IPO11: variants seen among roughly 807,000 people sequenced by gnomAD.
IPO11 encodes importin 11, also known as importin-11.
IPO11 carries 66 observed loss-of-function variants against 143.2 expected under a neutral mutation model. The ratio of observed to expected loss-of-function variants is 0.46; its 90% CI spans 0.38 to 0.57. The LOEUF is 0.57. Ranked by LOEUF, IPO11 falls within the 20% of genes least tolerant of loss-of-function variation. IPO11 has a pLI of 0.00. For missense variants in IPO11, 1,026 were observed against 1,141.0 expected (o/e 0.90, Z 1.45); for synonymous variants, 385 against 377.8 (o/e 1.02, Z -0.22).
At chr5:62,597,653 G>T (rs1745273757) in intron 28 of IPO11, among the ~76,000 whole-genome samples, 1 of 152,192 alleles carries the variant, frequency 6.6e-6, no homozygotes, top group Non-Finnish European at 1.5e-5. Flanking sequence ...TGTACGAAGA[G>T]ACCTTCAGGC....
At chr5:62,614,535 C>A (rs116341984) in intron 29 of IPO11, among the ~76,000 whole-genome samples, 1 of 152,334 alleles carries the variant, frequency 6.6e-6, no homozygotes, top group East Asian at 1.9e-4. Flanking sequence ...CCCGCCCCCC[C>A]TCACCCCGCA....
intron 9 of IPO11, among the ~76,000 whole-genome samples, chr5:62,481,594 A>G (rs1746215276): frequency 1.3e-5 from 2 of 152,176 alleles, no homozygotes; most frequent in African/African-American, 2.4e-5. Context: ...CCAGCCTTGC[A>G]TCCCAGGAAT....
chr5:62,547,717 A>G (rs1191613243), intron 24 of IPO11, among the ~76,000 whole-genome samples: 1 of 152,042 alleles, frequency 6.6e-6, no homozygotes, highest in African/African-American at 2.4e-5. Context: ...CATTAATTCT[A>G]AGTACTCCCT....
At position 62,474,906 on chromosome 5, in the gene IPO11, G is replaced by A. The variant is rs539029362; in HGVS notation, c.757+442G>A. Among the ~76,000 whole-genome samples the A allele has an allele frequency of 5.6e-3, 860 of 152,316 alleles. 2 individuals carry two copies. The highest frequency in any genetic ancestry group is 0.017 in the Middle Eastern group (5 of 294). On this transcript the variant is annotated intron_variant, in intron 8 of 29. Coordinates refer to ENST00000325324, the MANE Select transcript of IPO11 (RefSeq NM_016338.5). ...TTTGCTGGACAAAGGGAGGATTCTC[G>A]TCTGGGGCAGGACGGAGTGGGTCAG...
chr5:62,542,569 A>T (rs995937184), intron 24 of IPO11, among the ~76,000 whole-genome samples: 14 of 152,126 alleles, frequency 9.2e-5, no homozygotes, highest in African/African-American at 3.4e-4. Context: ...TGTCATTGTT[A>T]TACTAATTTT....
chr5:62,483,628 G>T (rs967085064), intron 10 of IPO11, among the ~76,000 whole-genome samples: 1 of 152,036 alleles, frequency 6.6e-6, no homozygotes, highest in African/African-American at 2.4e-5. Flanking sequence ...AAGTGTGATT[G>T]TTTCTAGACA....
chr5:62,442,532 A>G (rs189721841), intron 2 of IPO11, among the ~76,000 whole-genome samples: 1 of 152,300 alleles, frequency 6.6e-6, no homozygotes, highest in African/African-American at 2.4e-5. Context: ...GATATGATAT[A>G]TGTAGTGATA....
chr5:62,435,751 G>A lies in IPO11; in HGVS notation c.-6-1523G>A, dbSNP rs373776051. 4.6e-5 allele frequency among the ~76,000 whole-genome samples: 7 copies of A among 151,522 alleles called. 1 individual carries two copies. In the South Asian group the frequency reaches 6.3e-4, roughly 14 times the overall value. On this transcript the variant is annotated intron_variant, in intron 1 of 29. Coordinates refer to ENST00000325324, the MANE Select transcript of IPO11 (RefSeq NM_016338.5). ...AAAAAAAAAAAATCTCAATCTGGCC[G>A]GGCATGGTGGCTCATGCCTGTAATC...
rs557331507 is a variant in IPO11 at position 62,474,690 on chromosome 5, C to T, written c.757+226C>T. Among the ~76,000 whole-genome samples the T allele has an allele frequency of 2.0e-5, 3 of 152,268 alleles. No homozygotes were observed. In the South Asian group the frequency reaches 6.2e-4, roughly 32 times the overall value. ...TGTAGCTAAAATGAGTATTTTGTAT[C>T]AACTTTCTGAAGTTAGAAGCTTAGC... On this transcript the variant is annotated intron_variant, in intron 8 of 29. Transcript: ENST00000325324.
chr5:62,480,198 C>T (rs918561784), intron 9 of IPO11, among the ~76,000 whole-genome samples: 1 of 152,186 alleles, frequency 6.6e-6, no homozygotes, highest in Non-Finnish European at 1.5e-5. Flanking sequence ...CAATAGGAAT[C>T]CTTTCGCCAT....
intron 28 of IPO11, 35 bp from the exon 29 acceptor site, chr5:62,601,729 T>G: frequency 8.4e-7 from 1 of 1,184,526 alleles, no homozygotes; most frequent in Non-Finnish European, 1.2e-6. Context: ...ATAGACATTT[T>G]TATTTAAAAC....
intron 24 of IPO11, among the ~76,000 whole-genome samples, chr5:62,543,602 G>T (rs40579): frequency 0.09 from 13,721 of 152,000 alleles, 669 homozygotes; most frequent in East Asian, 0.14. Context: ...CTTGCTAGTG[G>T]TCTATCAATT....
Position 62,561,121 on chromosome 5 carries a change from C to A in IPO11, c.2461-15C>A. Reference sequence around the variant, plus strand: ...TATTTTAGGTATTTTGAGATGCCTCCTCCTCTTGTTTCAGATGGACCAGCT... The same window carrying A: ...TATTTTAGGTATTTTGAGATGCCTCATCCTCTTGTTTCAGATGGACCAGCT... On this transcript the variant is annotated splice_polypyrimidine_tract_variant and intron_variant, in intron 26 of 29. Coordinates refer to ENST00000325324, the MANE Select transcript of IPO11 (RefSeq NM_016338.5). 11 of 1,597,486 alleles carry A rather than the reference C, an allele frequency of 6.9e-6. No homozygotes were observed. Among genetic ancestry groups the A allele is most frequent in the Non-Finnish European group, 9.4e-6 (11 of 1,172,652 alleles).
intron 20 of IPO11, among the ~76,000 whole-genome samples, chr5:62,524,263 A>G (rs576614781): frequency 4.6e-5 from 7 of 152,128 alleles, no homozygotes; most frequent in Non-Finnish European, 8.8e-5. Flanking sequence ...GTTATATAGT[A>G]TAGTAGAATT....
At chr5:62,470,181 ATCTT>A (rs1045682766) in intron 6 of IPO11, 65 bp from the exon 7 acceptor site, 3 of 1,458,614 alleles carry the variant, frequency 2.1e-6, no homozygotes, top group Non-Finnish European at 2.9e-6. Context: ...GCAATTCTGA[ATCTT>A]TCTTGTGATT....
intron 19 of IPO11, among the ~76,000 whole-genome samples, chr5:62,513,421 C>T (rs1369002839): frequency 5.6e-5 from 8 of 141,624 alleles, no homozygotes; most frequent in Non-Finnish European, 1.1e-4. Flanking sequence ...CTGACCCCCC[C>T]CCCACCTCCC....
intron 27 of IPO11, among the ~76,000 whole-genome samples, chr5:62,575,714 G>A (rs1744292948): frequency 6.6e-6 from 1 of 152,136 alleles, no homozygotes; most frequent in South Asian, 2.1e-4. Context: ...AAGTCACATG[G>A]TGCTCATCTG....
chr5:62,588,376 C>T (rs937515554), intron 27 of IPO11, among the ~76,000 whole-genome samples: 10 of 152,108 alleles, frequency 6.6e-5, no homozygotes, highest in African/African-American at 1.7e-4. Context: ...GGACTACAGG[C>T]GTGCACCACT....
chr5:62,568,656 G>A (rs1448768569), intron 27 of IPO11, among the ~76,000 whole-genome samples: 1 of 148,164 alleles, frequency 6.7e-6, no homozygotes, highest in African/African-American at 2.5e-5. Flanking sequence ...GTGTTTTCTC[G>A]AAATTTGTTG....
Sources: gnomAD v4.1 joint callset for allele counts (sites outside exome capture counted in the v4.1 genomes callset) on GRCh38, gnomAD v4.1.1 for gene constraint, MANE v1.5 for transcripts, NCBI Gene and HGNC (gene_info 2026-07-23, HGNC 2026-07-21) for gene names.